Variants in PPP1R1B observed in about 807,000 individuals in gnomAD.
PPP1R1B encodes protein phosphatase 1 regulatory inhibitor subunit 1B.
In PPP1R1B, 13 loss-of-function variants were observed where a neutral mutation model predicts 28.2. The ratio of observed to expected loss-of-function variants is 0.46; its 90% CI spans 0.30 to 0.73. The LOEUF (loss-of-function observed/expected upper bound fraction) is 0.73, where lower values mean the gene tolerates loss of function less well. PPP1R1B is among the 30% of genes least tolerant of loss of function. The pLI is 0.07. For synonymous variants in PPP1R1B, 102 were observed against 97.5 expected (o/e 1.05, Z -0.27); for missense variants, 236 against 256.7 (o/e 0.92, Z 0.55).
At chr17:39,626,810 C>T (rs555044670), upstream of PPP1R1B, 1 of 152,584 alleles carries the variant, frequency 6.6e-6, no homozygotes, top group Non-Finnish European at 1.5e-5. Flanking sequence ...CTCCCACCCT[C>T]CTCCCAGCCC....
intron 1 of PPP1R1B, among the ~76,000 whole-genome samples, chr17:39,628,137 G>A (rs976413600): frequency 4.6e-5 from 7 of 152,102 alleles, no homozygotes; most frequent in Non-Finnish European, 7.4e-5. Flanking sequence ...AAAGGCTGGC[G>A]GGTGCTGTGA....
intron 4 of PPP1R1B, 106 bp from the exon 5 acceptor site, chr17:39,633,777 G>GC (rs1372173033): frequency 6.4e-6 from 10 of 1,560,412 alleles, no homozygotes; most frequent in Non-Finnish European, 8.7e-6. Flanking sequence ...GGTATTCTCT[G>GC]CCCCAGGCCT....
In PPP1R1B at chr17:39,627,389, C is replaced by T; in HGVS notation, c.-4C>T. On this transcript the variant is annotated 5_prime_UTR_variant, in exon 1 of 7. Coordinates refer to ENST00000254079, the MANE Select transcript of PPP1R1B (RefSeq NM_032192.4). ...CCCCAGCCCCACCGCCCACCCCGCGCGCCATGGACCCCAAGGACCGCAAGA... is the reference window on the plus strand; with the variant it reads ...CCCCAGCCCCACCGCCCACCCCGCGTGCCATGGACCCCAAGGACCGCAAGA... 6.3e-7 allele frequency: 1 copy of T among 1,598,952 alleles called. No individual in the cohort carries two copies. Among genetic ancestry groups the T allele is most frequent in the Non-Finnish European group, 8.5e-7 (1 of 1,173,874 alleles).
intron 2 of PPP1R1B, 76 bp downstream of exon 2, chr17:39,629,306 C>A: frequency 1.3e-6 from 2 of 1,485,840 alleles, no homozygotes; most frequent in African/African-American, 1.4e-5. Flanking sequence ...GCCAAAGTCC[C>A]ATGAACAGGA....
chr17:39,627,460 G>A lies in PPP1R1B; in HGVS notation c.68G>A (p.Arg23His). ...VPAPPSQLDPRQVEMIRRRRP... is the reference protein window; with the variant it reads ...VPAPPSQLDPHQVEMIRRRRP... Reference sequence around the variant, plus strand: ...GCGCCCCCTAGCCAGCTCGACCCCCGCCAGGTGGAGATGGTAAGGGGCCCG... The same window carrying A: ...GCGCCCCCTAGCCAGCTCGACCCCCACCAGGTGGAGATGGTAAGGGGCCCG... Residue 23 changes from arginine to histidine, a missense_variant, in exon 1 of 7, where the codon CGC (arginine) becomes CAC (histidine). Transcript: ENST00000254079. The A allele has an allele frequency of 1.9e-6, 3 of 1,587,532 alleles. No individual in the cohort carries two copies. Among genetic ancestry groups the A allele is most frequent in the Non-Finnish European group, 2.6e-6 (3 of 1,165,968 alleles).
intron 4 of PPP1R1B, 56 bp downstream of exon 4, chr17:39,630,103 G>C (rs986710973): frequency 2.4e-5 from 36 of 1,499,156 alleles, no homozygotes; most frequent in Non-Finnish European, 3.3e-5. Flanking sequence ...GAACTGGGCA[G>C]ACGCTAGGGG....
chr17:39,635,727 G>C lies in PPP1R1B; in HGVS notation c.565+1G>C, dbSNP rs770841761. 9.9e-6 allele frequency: 16 copies of C among 1,613,924 alleles called. No individual in the cohort carries two copies. The highest frequency in any genetic ancestry group is 1.2e-5 in the Non-Finnish European group (14 of 1,179,952). On this transcript the variant is annotated splice_donor_variant, in intron 6 of 6. Transcript: ENST00000254079. LOFTEE classifies it high-confidence loss of function. ...CAAGTGGAAGACCCAGCACTAAGTG[G>C]TAAGGCTTGGGAGTGTGAAATGGGG...
At position 39,635,645 on chromosome 17, in the gene PPP1R1B, CCCTGGGAGCG is replaced by C; in HGVS notation, c.487_496del (p.Trp163HisfsTer22). ...AACCTGTGGCCAGGGTCTGGAAGGG[CCCTGGGAGCG>C]CCCACCCCCTCTGGATGAGTCCGAG... is the stretch of plus-strand genomic sequence containing the variant. On this transcript the variant is annotated frameshift_variant, in exon 6 of 7. Transcript: ENST00000254079. LOFTEE classifies it high-confidence loss of function. 1 of 1,614,136 alleles carries C rather than the reference CCCTGGGAGCG, an allele frequency of 6.2e-7. No homozygotes were observed. Among genetic ancestry groups the C allele is most frequent in the Non-Finnish European group, 8.5e-7 (1 of 1,180,024 alleles).
At position 39,627,347 on chromosome 17, in the gene PPP1R1B, G is replaced by C; in HGVS notation, c.-46G>C. On this transcript the variant is annotated 5_prime_UTR_variant, in exon 1 of 7. Coordinates refer to ENST00000254079, the MANE Select transcript of PPP1R1B (RefSeq NM_032192.4). ...GGGAGCCCAGCACAGACCGCCGCCG[G>C]GACCCCGAGTCGCGCACCCCAGCCC... is the stretch of plus-strand genomic sequence containing the variant. The C allele has an allele frequency of 7.2e-7, 1 of 1,397,444 alleles. No individual in the cohort carries two copies. Among genetic ancestry groups the C allele is most frequent in the Non-Finnish European group, 9.9e-7 (1 of 1,006,606 alleles). The allele number at this position is 1,397,444 out of a possible 1,614,324, so 86.6% of individuals were successfully genotyped here. A position where few individuals can be genotyped will look rare whatever the true frequency, so the allele number is the denominator to read the frequency against.
rs1248737354 is a variant in PPP1R1B at position 39,627,401 on chromosome 17, C to T, written c.9C>T (p.Pro3=). 2.5e-6 allele frequency: 4 copies of T among 1,603,728 alleles called. No homozygotes were observed. Among genetic ancestry groups the T allele is most frequent in the Non-Finnish European group, 3.4e-6 (4 of 1,176,420 alleles). Residue 3 remains proline (P), a synonymous_variant, in exon 1 of 7, where the codon CCC becomes CCT. Coordinates refer to ENST00000254079, the MANE Select transcript of PPP1R1B (RefSeq NM_032192.4). MD[P]KDRKKIQFSV... is the part of the protein sequence containing the mutation. ...CGCCCACCCCGCGCGCCATGGACCC[C>T]AAGGACCGCAAGAAGATCCAGTTCT...
chr17:39,629,809 G>C (rs757849329), intron 3 of PPP1R1B, 163 bp from the exon 4 acceptor site: 30 of 875,910 alleles, frequency 3.4e-5, no homozygotes, highest in Non-Finnish European at 4.3e-5. Flanking sequence ...CTTATGGGGG[G>C]CCCCCCCTAA....
In PPP1R1B at chr17:39,634,004, T is replaced by C; in HGVS notation, c.363T>C (p.Asp121=). The change falls in exon 5 of 7, where the codon GAT becomes GAC. Residue 121 remains aspartate (D), a synonymous_variant. Transcript: ENST00000254079. ...LRELGYPREE[D]EEEEEDDEEE... ...AGCTGGGTTATCCAAGAGAGGAAGA[T>C]GAGGAGGAAGAGGAGGATGATGAAG... 2 of 1,613,506 alleles carry C rather than the reference T, an allele frequency of 1.2e-6. No individual in the cohort carries two copies. Among genetic ancestry groups the C allele is most frequent in the Non-Finnish European group, 1.7e-6 (2 of 1,179,810 alleles).
intron 5 of PPP1R1B, among the ~76,000 whole-genome samples, chr17:39,634,394 A>G (rs2056901730): frequency 6.6e-6 from 1 of 152,224 alleles, no homozygotes; most frequent in South Asian, 2.1e-4. Flanking sequence ...CTATGGCAGT[A>G]AGGGGGCGTG....
intron 3 of PPP1R1B, 33 bp downstream of exon 3, chr17:39,629,595 G>A: frequency 6.2e-7 from 1 of 1,612,706 alleles, no homozygotes; most frequent in Non-Finnish European, 8.5e-7. Context: ...AAGGAGGGAT[G>A]CCTGGGCCCC....
In PPP1R1B at chr17:39,630,042, T is replaced by C; in HGVS notation, c.236T>C (p.Leu79Pro). ...CCCTGTGCCTACACACCACCTTCGC[T>C]GAAAGGTACTATACCCCCACCGACC... ...PNPCAYTPPS[L>P]KAVQRIAESH... The change falls in exon 4 of 7, where the codon CTG becomes CCG. Residue 79 changes from leucine (L) to proline (P), a missense_variant. Transcript: ENST00000254079. The C allele has an allele frequency of 6.2e-7, 1 of 1,613,962 alleles. No individual in the cohort carries two copies.
rs1283015872 is a variant in PPP1R1B, at chr17:39,626,970, G to T, written c.-423G>T. 1.8e-5 allele frequency: 3 copies of T among 170,374 alleles called. No homozygotes were observed. Among genetic ancestry groups the T allele is most frequent in the Non-Finnish European group, 3.7e-5 (3 of 80,608 alleles). 10.6% of individuals were successfully genotyped at this position (170,374 alleles called of 1,614,324 possible). Reference sequence around the variant, plus strand: ...GCCCGGCAGAGGCAGAGACACACGCGGAGAGGAGGAGAGGCTGAGGGAGGG... The same window carrying T: ...GCCCGGCAGAGGCAGAGACACACGCTGAGAGGAGGAGAGGCTGAGGGAGGG... On this transcript the variant is annotated 5_prime_UTR_variant, in exon 1 of 7. Coordinates refer to ENST00000254079, the MANE Select transcript of PPP1R1B (RefSeq NM_032192.4).
intron 2 of PPP1R1B, 79 bp from the exon 3 acceptor site, chr17:39,629,461 C>T (rs1408158769): frequency 1.4e-5 from 22 of 1,576,504 alleles, no homozygotes; most frequent in Admixed American, 3.4e-5. Context: ...GAAAATAACT[C>T]GGATTCTTTC....
At position 39,629,249 on chromosome 17, in the gene PPP1R1B, AC is replaced by A; in HGVS notation, c.142+20del. 6.2e-7 allele frequency: 1 copy of A among 1,611,750 alleles called. No individual in the cohort carries two copies. On this transcript the variant is annotated intron_variant, in intron 2 of 6. Coordinates refer to ENST00000254079, the MANE Select transcript of PPP1R1B (RefSeq NM_032192.4). ...TCACCAGGTAGGCCCCTCCCTGCCCACTTAGCCCTGGCCCCACCCTAGCTCT... is the reference window on the plus strand; with the variant it reads ...TCACCAGGTAGGCCCCTCCCTGCCCATTAGCCCTGGCCCCACCCTAGCTCT...
At chr17:39,631,123 T>C (rs2056874367) in intron 4 of PPP1R1B, among the ~76,000 whole-genome samples, 1 of 151,680 alleles carries the variant, frequency 6.6e-6, no homozygotes, top group African/African-American at 2.4e-5. Flanking sequence ...TAGTCCCAGA[T>C]ACTTGGGAGG....
Sources: gnomAD v4.1 joint callset for allele counts (sites outside exome capture counted in the v4.1 genomes callset) on GRCh38, gnomAD v4.1.1 for gene constraint, MANE v1.5 for transcripts, NCBI Gene and HGNC (gene_info 2026-07-23, HGNC 2026-07-21) for gene names.